The following TBCD variants were observed in gnomAD, a reference collection of about 807,000 sequenced individuals.
TBCD encodes tubulin folding cofactor D.
Under a neutral mutation model 169.3 loss-of-function variants are expected in TBCD, and 105 were observed. That is an observed-to-expected ratio of 0.62 (90% CI 0.53 to 0.73). TBCD has a LOEUF of 0.73. Among genes scored for constraint, TBCD ranks in the 30% least tolerant of loss-of-function variants. TBCD has a pLI of 0.00. For synonymous variants in TBCD, 700 were observed against 643.9 expected (o/e 1.09, Z -1.32); for missense variants, 1,444 against 1,600.1 (o/e 0.90, Z 1.66).
At chr17:82,872,447 A>G (rs1485840977) in intron 14 of TBCD, among the ~76,000 whole-genome samples, 3 of 152,064 alleles carry the variant, frequency 2.0e-5, no homozygotes, top group African/African-American at 7.2e-5. Flanking sequence ...TGGAGCAGAG[A>G]AGACGGAGAG....
chr17:82,801,461 G>A (rs535556730), intron 9 of TBCD, among the ~76,000 whole-genome samples: 18 of 151,618 alleles, frequency 1.2e-4, no homozygotes, highest in African/African-American at 4.1e-4. Context: ...CGGAGTCAGC[G>A]TGGCAGGATG....
intron 7 of TBCD, among the ~76,000 whole-genome samples, chr17:82,792,391 GTA>G (rs2144529911): frequency 6.6e-6 from 1 of 151,794 alleles, no homozygotes; most frequent in South Asian, 2.1e-4. Context: ...GTATATATAT[GTA>G]TATATAAAAT....
At chr17:82,866,011 A>G (rs1043781454) in intron 13 of TBCD, among the ~76,000 whole-genome samples, 14 of 152,382 alleles carry the variant, frequency 9.2e-5, no homozygotes, top group African/African-American at 2.9e-4. Context: ...AATTGGAACC[A>G]TGAGAAAGGT....
chr17:82,907,536 A>G (rs2060335564), intron 20 of TBCD, among the ~76,000 whole-genome samples: 1 of 152,236 alleles, frequency 6.6e-6, no homozygotes. Context: ...AAAAGAATGC[A>G]ATGTAAAACA....
At chr17:82,887,560 C>T (rs1175121318) in intron 15 of TBCD, among the ~76,000 whole-genome samples, 1 of 152,168 alleles carries the variant, frequency 6.6e-6, no homozygotes, top group African/African-American at 2.4e-5. Flanking sequence ...GGTTTCTAGT[C>T]TTTAAGCTGC....
rs552916890 is a variant in TBCD, at chr17:82,925,834, C to T, written c.2380-566C>T. ...CCTTTGTCAATACCCCAGGTCTCAG[C>T]GTAGGACAAAAGGGGGGGACCTCAG... On this transcript the variant is annotated intron_variant, in intron 27 of 38. Transcript: ENST00000355528. Among the ~76,000 whole-genome samples the T allele has an allele frequency of 1.7e-4, 26 of 152,314 alleles. No homozygotes were observed. In the East Asian group the frequency reaches 4.6e-3, roughly 27 times the overall value.
intron 6 of TBCD, among the ~76,000 whole-genome samples, chr17:82,780,152 TCCCTTGGCTCCCTTCTGCCCTGG>T (rs61340715): frequency 0.36 from 54,756 of 152,074 alleles, 10,194 homozygotes; most frequent in Middle Eastern, 0.41. Context: ...GTTCGCGAGT[TCCCTTGGCTCCCTTCTGCCCTGG>T]GCCCTGGCTC....
chr17:82,856,956 G>A (rs1177249859), intron 13 of TBCD, among the ~76,000 whole-genome samples: 1 of 146,470 alleles, frequency 6.8e-6, no homozygotes, highest in African/African-American at 2.6e-5. Context: ...TCGCTGGACC[G>A]CGTGCGGACC....
intron 3 of TBCD, 103 bp downstream of exon 3, chr17:82,764,165 G>A: frequency 2.2e-6 from 2 of 922,520 alleles, no homozygotes; most frequent in South Asian, 3.2e-5. Context: ...ATAGTTCTTA[G>A]ACACAAGTTG....
Position 82,889,661 on chromosome 17 carries a change from T to C in TBCD, c.1534-7T>C, listed in dbSNP as rs777510861. 3.7e-6 allele frequency: 6 copies of C among 1,613,812 alleles called. No homozygotes were observed. In the African/African-American group the frequency reaches 8.0e-5, roughly 22 times the overall value. ...CTCACCTGCTGTGTTTGTTCTTTGC[T>C]CCGCAGGCCGCCTTCCAGGAGAATG... On this transcript the variant is annotated splice_polypyrimidine_tract_variant and splice_region_variant and intron_variant, in intron 15 of 38. Transcript: ENST00000355528. This position sits in a 1 kb window ranked among gnomAD's most constrained non-coding sequence, Gnocchi z 5.3.
chr17:82,926,257 T>C, intron 27 of TBCD, 143 bp from the exon 28 acceptor site: 1 of 749,722 alleles, frequency 1.3e-6, no homozygotes, highest in Non-Finnish European at 2.3e-6. Context: ...CCAGGGGCCA[T>C]GGATGGCCGT....
intron 16 of TBCD, among the ~76,000 whole-genome samples, chr17:82,892,647 G>T (rs1309091688): frequency 6.6e-6 from 1 of 152,180 alleles, no homozygotes; most frequent in Admixed American, 6.5e-5. Context: ...AGTGCAGGGT[G>T]GTGATGAATG....
intron 13 of TBCD, among the ~76,000 whole-genome samples, chr17:82,853,887 C>T (rs941268888): frequency 6.6e-6 from 1 of 151,466 alleles, no homozygotes; most frequent in Non-Finnish European, 1.5e-5. Flanking sequence ...ATGAATTTTG[C>T]TTTTTCAGAT....
At chr17:82,792,689 A>G (rs2049832038) in intron 7 of TBCD, among the ~76,000 whole-genome samples, 1 of 152,222 alleles carries the variant, frequency 6.6e-6, no homozygotes, top group Non-Finnish European at 1.5e-5. Context: ...CTGTGAAGGT[A>G]ATTAGTGTTT....
At chr17:82,851,627 G>A (rs767933448) in intron 13 of TBCD, among the ~76,000 whole-genome samples, 2 of 152,190 alleles carry the variant, frequency 1.3e-5, no homozygotes, top group Non-Finnish European at 2.9e-5. Context: ...GGTGGGAAGA[G>A]GGCAGTGAGC....
chr17:82,796,315 T>C (rs1307187572), intron 7 of TBCD, among the ~76,000 whole-genome samples: 1 of 152,200 alleles, frequency 6.6e-6, no homozygotes, highest in Non-Finnish European at 1.5e-5. Context: ...ATTAGATACA[T>C]CTGGACTGGT....
In TBCD at chr17:82,797,739, C is replaced by CTTT. The variant is rs36020328; in HGVS notation, c.772-5_772-3dup. ...TATTTGTATTTGTAACATTAAAAAT[C>CTTT]TTTTTTTTTTTTTTTAGGCACAAAT... On this transcript the variant is annotated splice_polypyrimidine_tract_variant and intron_variant, in intron 7 of 38. Coordinates refer to ENST00000355528, the MANE Select transcript of TBCD (RefSeq NM_005993.5). 4.6e-4 allele frequency: 612 copies of CTTT among 1,330,478 alleles called. No individual in the cohort carries two copies. The highest frequency in any genetic ancestry group is 7.3e-4 in the South Asian group (51 of 70,156). The allele number at this position is 1,330,478 out of a possible 1,614,324, so 82.4% of individuals were successfully genotyped here. A position where few individuals can be genotyped will look rare whatever the true frequency, so the allele number is the denominator to read the frequency against.
At chr17:82,802,806 G>A (rs1463916816) in intron 9 of TBCD, among the ~76,000 whole-genome samples, 1 of 152,252 alleles carries the variant, frequency 6.6e-6, no homozygotes, top group African/African-American at 2.4e-5. Context: ...ACAAGCACTG[G>A]AAGCAGGTGT....
chr17:82,791,770 G>A (rs1400359451), intron 7 of TBCD, among the ~76,000 whole-genome samples: 5 of 152,202 alleles, frequency 3.3e-5, no homozygotes, highest in African/African-American at 1.2e-4. Context: ...CTAACAATGA[G>A]GGTAGTCCTG....
Sources: gnomAD v4.1 joint callset for allele counts (sites outside exome capture counted in the v4.1 genomes callset) on GRCh38, gnomAD v4.1.1 for gene constraint, Gnocchi (gnomAD v3.1) non-coding constraint, MANE v1.5 for transcripts, NCBI Gene and HGNC (gene_info 2026-07-23, HGNC 2026-07-21) for gene names.